Variants in SRGAP3 observed in about 807,000 individuals in gnomAD.
The protein encoded by SRGAP3 is SLIT-ROBO Rho GTPase activating protein 3.
Under a neutral mutation model 121.1 loss-of-function variants are expected in SRGAP3, and 39 were observed. The ratio of observed to expected loss-of-function variants is 0.32; its 90% CI spans 0.25 to 0.42. The LOEUF is 0.42. Among genes scored for constraint, SRGAP3 ranks in the 10% least tolerant of loss-of-function variants. The probability of loss-of-function intolerance (pLI) is 1.00; values close to 1 mark genes in which losing one functional copy is unlikely to be tolerated. For missense variants in SRGAP3, 1,213 were observed against 1,470.6 expected (o/e 0.82, Z 2.86); for synonymous variants, 601 against 570.0 (o/e 1.05, Z -0.77).
intron 20 of SRGAP3, among the ~76,000 whole-genome samples, chr3:8,991,287 T>C (rs1942041696): frequency 6.6e-6 from 1 of 152,186 alleles, no homozygotes; most frequent in East Asian, 1.9e-4. Context: ...ACCAGCACCC[T>C]GCAAGCACAG....
At chr3:9,016,177 T>G (rs1040928103) in intron 14 of SRGAP3, among the ~76,000 whole-genome samples, 5 of 152,188 alleles carry the variant, frequency 3.3e-5, no homozygotes, top group Admixed American at 3.3e-4. Context: ...AAAGAACATC[T>G]CATATACAGC....
intron 3 of SRGAP3, among the ~76,000 whole-genome samples, chr3:9,087,106 A>G (rs2664083): frequency 0.3 from 46,301 of 151,936 alleles, 7,621 homozygotes; most frequent in South Asian, 0.38. Context: ...GTGTGTATAT[A>G]TATTTATATG....
At chr3:8,990,181 G>A (rs1403817857) in intron 21 of SRGAP3, among the ~76,000 whole-genome samples, 1 of 152,228 alleles carries the variant, frequency 6.6e-6, no homozygotes, top group African/African-American at 2.4e-5. Context: ...AGAAATGAAT[G>A]AATGAGTGAA....
intron 2 of SRGAP3, among the ~76,000 whole-genome samples, chr3:9,328,921 C>T (rs935397096): frequency 2.0e-5 from 3 of 152,250 alleles, no homozygotes; most frequent in East Asian, 1.9e-4. Context: ...CTCTGGAAGG[C>T]GGAGACCAAG....
intron 3 of SRGAP3, among the ~76,000 whole-genome samples, chr3:9,283,480 A>G (rs563069049): frequency 6.6e-6 from 1 of 152,286 alleles, no homozygotes; most frequent in South Asian, 2.1e-4. Flanking sequence ...TAACATCACC[A>G]CCAATCTCAT....
At chr3:9,026,890 C>T in intron 13 of SRGAP3, 45 bp downstream of exon 13, 2 of 1,596,422 alleles carry the variant, frequency 1.3e-6, no homozygotes, top group Non-Finnish European at 1.7e-6. Flanking sequence ...AGCCTAGCAC[C>T]TGTTCTGCAG....
intron 3 of SRGAP3, among the ~76,000 whole-genome samples, chr3:9,300,837 G>A (rs1188516112): frequency 6.6e-6 from 1 of 152,190 alleles, no homozygotes; most frequent in South Asian, 2.1e-4. Context: ...GCACAGGACC[G>A]CTGCCACAAC....
intron 2 of SRGAP3, among the ~76,000 whole-genome samples, chr3:9,329,139 G>A (rs879269816): frequency 2.4e-4 from 37 of 152,118 alleles, no homozygotes; most frequent in African/African-American, 6.8e-4. Context: ...TGAATTCATC[G>A]CACAAAATAC....
At chr3:9,064,349 C>T in intron 5 of SRGAP3, 47 bp downstream of exon 5, 3 of 1,613,160 alleles carry the variant, frequency 1.9e-6, no homozygotes, top group Non-Finnish European at 1.7e-6. Context: ...TGGCCCTCCC[C>T]TTTGTGCCCT....
intron 9 of SRGAP3, among the ~76,000 whole-genome samples, chr3:9,050,631 C>G (rs11928643): frequency 0.023 from 3,530 of 152,254 alleles, 145 homozygotes; most frequent in African/African-American, 0.081. Context: ...ATCTGATGAC[C>G]ATTAGTCATA....
At chr3:9,309,818 C>T (rs1400583138) in intron 3 of SRGAP3, among the ~76,000 whole-genome samples, 3 of 152,188 alleles carry the variant, frequency 2.0e-5, no homozygotes, top group Non-Finnish European at 4.4e-5. Context: ...ATGATCACCA[C>T]TGCACTCCAG....
At chr3:9,129,176 T>A (rs1482502775) in intron 1 of SRGAP3, among the ~76,000 whole-genome samples, 1 of 152,144 alleles carries the variant, frequency 6.6e-6, no homozygotes, top group Non-Finnish European at 1.5e-5. Flanking sequence ...GCAATCCTCC[T>A]GCCTTGGCCT....
intron 14 of SRGAP3, among the ~76,000 whole-genome samples, chr3:9,024,768 T>C (rs56029993): frequency 0.064 from 9,671 of 152,240 alleles, 787 homozygotes; most frequent in African/African-American, 0.19. Context: ...AATTAGGATA[T>C]CCTAAAAGCC....
At chr3:9,079,662 G>C (rs1165752502) in intron 4 of SRGAP3, among the ~76,000 whole-genome samples, 1 of 152,216 alleles carries the variant, frequency 6.6e-6, no homozygotes, top group Non-Finnish European at 1.5e-5. Flanking sequence ...CTCTGCTGGA[G>C]CCTGTGCTGC....
At chr3:9,346,608 C>A (rs1308992005) in intron 1 of SRGAP3, among the ~76,000 whole-genome samples, 1 of 152,040 alleles carries the variant, frequency 6.6e-6, no homozygotes, top group African/African-American at 2.4e-5. Context: ...TAGATGCCTC[C>A]AAATCTCCCC....
chr3:9,161,355 A>T (rs1461368115), intron 1 of SRGAP3, among the ~76,000 whole-genome samples: 2 of 152,222 alleles, frequency 1.3e-5, no homozygotes. Context: ...TTTATCCCCA[A>T]CAGTGGTTCA....
At chr3:9,181,441 G>T (rs1035329762) in intron 1 of SRGAP3, among the ~76,000 whole-genome samples, 29 of 152,194 alleles carry the variant, frequency 1.9e-4, no homozygotes, top group Admixed American at 1.9e-3. Context: ...GACTCAGGGG[G>T]TTTTTTGCTT....
At chr3:9,145,296 A>G (rs552642894) in intron 1 of SRGAP3, among the ~76,000 whole-genome samples, 2 of 152,230 alleles carry the variant, frequency 1.3e-5, no homozygotes, top group Admixed American at 6.5e-5. Flanking sequence ...GGGTTTCGCC[A>G]TGTTGGCCAG....
intron 1 of SRGAP3, chr3:9,348,727 C>A (rs529802050): frequency 5.5e-6 from 7 of 1,269,892 alleles, no homozygotes; most frequent in Middle Eastern, 2.2e-4. Flanking sequence ...GGGGTCTGAT[C>A]GGTCTCAATA....
Sources: allele counts gnomAD v4.1 joint callset (sites outside exome capture counted in the v4.1 genomes callset), GRCh38; gene constraint gnomAD v4.1.1; transcripts MANE v1.5; gene names NCBI Gene and HGNC (gene_info 2026-07-23, HGNC 2026-07-21).